The following CUL4A variants were observed in gnomAD, a reference collection of about 807,000 sequenced individuals.
CUL4A encodes cullin-4A.
A neutral mutation model predicts 95.5 loss-of-function variants in CUL4A; 16 were observed. The observed-to-expected ratio is 0.17, with a 90% confidence interval of 0.11 to 0.25. The LOEUF (loss-of-function observed/expected upper bound fraction) is 0.25, where lower values mean the gene tolerates loss of function less well. Ranked by LOEUF, CUL4A falls within the 10% of genes least tolerant of loss-of-function variation. The pLI is 1.00. For synonymous variants in CUL4A, 380 were observed against 353.1 expected, an observed-to-expected ratio of 1.08 and a Z score of -0.85; for missense variants, 610 against 937.0, an observed-to-expected ratio of 0.65 and a Z score of 4.56.
At chr13:113,227,225 G>C (rs2041137150) in intron 3 of CUL4A, among the ~76,000 whole-genome samples, 3 of 152,238 alleles carry the variant, frequency 2.0e-5, no homozygotes, top group Admixed American at 1.3e-4. Flanking sequence ...AAACACCATA[G>C]AGTGTGGCTC....
chr13:113,210,991 A>G (rs2040414063), intron 2 of CUL4A, among the ~76,000 whole-genome samples: 2 of 152,198 alleles, frequency 1.3e-5, no homozygotes, highest in Non-Finnish European at 2.9e-5. Flanking sequence ...GTCTACATAT[A>G]ATGTGCACTT....
At chr13:113,255,701 G>A (rs905625900) in intron 18 of CUL4A, among the ~76,000 whole-genome samples, 3 of 152,116 alleles carry the variant, frequency 2.0e-5, no homozygotes, top group South Asian at 2.1e-4. Flanking sequence ...TTATTAGAAC[G>A]TATTTGAGGT....
chr13:113,262,405 A>G (rs889314352), intron 19 of CUL4A, among the ~76,000 whole-genome samples: 5 of 152,188 alleles, frequency 3.3e-5, no homozygotes, highest in Admixed American at 6.5e-5. Flanking sequence ...CGATCCCAGC[A>G]CTTTGGGAGC....
chr13:113,225,291 G>C (rs1475321575), intron 3 of CUL4A, among the ~76,000 whole-genome samples: 3 of 152,136 alleles, frequency 2.0e-5, no homozygotes, highest in Non-Finnish European at 2.9e-5. Flanking sequence ...GCACACCATT[G>C]TGGCTATGTG....
At chr13:113,241,132 A>G (rs535548782) in intron 10 of CUL4A, among the ~76,000 whole-genome samples, 1 of 152,356 alleles carries the variant, frequency 6.6e-6, no homozygotes, top group South Asian at 2.1e-4. Flanking sequence ...ATTGGAACTT[A>G]TAACTGAGTC....
rs890115705 is a variant in CUL4A, at chr13:113,266,187, T to TA, written c.*2606dup. 6.6e-6 allele frequency: 1 copy of TA among 152,158 alleles called. No individual in the cohort carries two copies. Among genetic ancestry groups the TA allele is most frequent in the African/African-American group, 2.4e-5 (1 of 41,426 alleles). The allele number at this position is 152,158 out of a possible 1,614,324, so 9.4% of individuals were successfully genotyped here. A position where few individuals can be genotyped will look rare whatever the true frequency, so the allele number is the denominator to read the frequency against. On this transcript the variant is annotated 3_prime_UTR_variant, in exon 20 of 20. Coordinates refer to ENST00000375440, the MANE Select transcript of CUL4A (RefSeq NM_001008895.4). ...TACATCACCACGCCCAGATAATTTT[T>TA]ATTGTATTTTTTATAGAGGCAGTGT... is the stretch of plus-strand genomic sequence containing the variant.
At chr13:113,222,239 A>T (rs2040925388) in intron 3 of CUL4A, among the ~76,000 whole-genome samples, 1 of 152,150 alleles carries the variant, frequency 6.6e-6, no homozygotes, top group Non-Finnish European at 1.5e-5. Flanking sequence ...GATTGAGCCA[A>T]GGTGTTCAGG....
intron 3 of CUL4A, among the ~76,000 whole-genome samples, chr13:113,227,348 T>A (rs926274112): frequency 6.6e-6 from 1 of 152,180 alleles, no homozygotes; most frequent in African/African-American, 2.4e-5. Context: ...AGCCAGCACC[T>A]TCTCACTGCA....
At chr13:113,208,650 C>T (rs769248937), upstream of CUL4A, 25 of 1,604,392 alleles carry the variant, frequency 1.6e-5, no homozygotes, top group East Asian at 4.5e-5. Flanking sequence ...CGCCGCCGAA[C>T]GGAGAGCGCC....
At chr13:113,224,285 A>C (rs530108484) in intron 3 of CUL4A, among the ~76,000 whole-genome samples, 1 of 152,150 alleles carries the variant, frequency 6.6e-6, no homozygotes, top group East Asian at 1.9e-4. Context: ...CCCGGGAGGC[A>C]GATCTTGCAG....
upstream of CUL4A, chr13:113,209,606 GC>G (rs2040267617): frequency 9.8e-7 from 1 of 1,019,016 alleles, no homozygotes; most frequent in Non-Finnish European, 1.2e-6. Context: ...TCGGGGCGGG[GC>G]GCGGCGGTTC....
chr13:113,209,815 C>T lies in CUL4A; in HGVS notation c.148+40C>T, dbSNP rs764087457. ...CGGGTCGAGGGCCAGGCGCCCCGGGCGGGGACCCCACGAGACCCCGCCCGA... is the reference window on the plus strand; with the variant it reads ...CGGGTCGAGGGCCAGGCGCCCCGGGTGGGGACCCCACGAGACCCCGCCCGA... On this transcript the variant is annotated intron_variant, in intron 1 of 19. Transcript: ENST00000375440. 189 of 1,114,646 alleles carry T rather than the reference C, an allele frequency of 1.7e-4. No individual in the cohort carries two copies. In the African/African-American group the frequency reaches 3.0e-3, roughly 17 times the overall value. 69.0% of individuals were successfully genotyped at this position (1,114,646 alleles called of 1,614,324 possible).
chr13:113,239,388 A>G, intron 9 of CUL4A, 45 bp from the exon 10 acceptor site: 1 of 1,501,406 alleles, frequency 6.7e-7, no homozygotes, highest in South Asian at 1.1e-5. Context: ...GTTGTTGTTA[A>G]TGCTGCCCAT....
intron 6 of CUL4A, 119 bp from the exon 7 acceptor site, chr13:113,233,778 C>T (rs186284246): frequency 3.6e-4 from 257 of 713,390 alleles, no homozygotes; most frequent in Non-Finnish European, 5.6e-4. Flanking sequence ...GCTGGGTGGC[C>T]ACAGGCGCCT....
intron 9 of CUL4A, among the ~76,000 whole-genome samples, chr13:113,238,128 GA>G (rs1469894697): frequency 6.6e-6 from 1 of 152,024 alleles, no homozygotes; most frequent in Non-Finnish European, 1.5e-5. Context: ...GTGTTTTTAT[GA>G]AAGGAGTCAC....
intron 15 of CUL4A, among the ~76,000 whole-genome samples, chr13:113,248,925 C>G (rs2139256460): frequency 6.6e-6 from 1 of 152,208 alleles, no homozygotes; most frequent in African/African-American, 2.4e-5. Flanking sequence ...ATATTTTTGA[C>G]CTGAGATTGG....
At chr13:113,211,476 G>A (rs938809006) in intron 2 of CUL4A, among the ~76,000 whole-genome samples, 2 of 152,214 alleles carry the variant, frequency 1.3e-5, no homozygotes, top group Admixed American at 6.5e-5. Context: ...CCTCCACCTC[G>A]CAGGTTCAAG....
At chr13:113,259,624 G>A (rs944626143) in intron 18 of CUL4A, among the ~76,000 whole-genome samples, 3 of 152,216 alleles carry the variant, frequency 2.0e-5, no homozygotes, top group African/African-American at 7.2e-5. Context: ...CCTTTCAACT[G>A]CTACAGTGCT....
At chr13:113,235,266 C>T (rs561726397) in intron 8 of CUL4A, 121 bp downstream of exon 8, 20 of 639,214 alleles carry the variant, frequency 3.1e-5, no homozygotes, top group Non-Finnish European at 5.2e-5. Flanking sequence ...TGTTTTTGCA[C>T]CTAGCATATT....
Sources: gnomAD v4.1 joint callset for allele counts (sites outside exome capture counted in the v4.1 genomes callset) on GRCh38, gnomAD v4.1.1 for gene constraint, MANE v1.5 for transcripts, NCBI Gene and HGNC (gene_info 2026-07-23, HGNC 2026-07-21) for gene names.